RFX2: variants seen among roughly 807,000 people sequenced by gnomAD.
RFX2 encodes DNA-binding protein RFX2.
A neutral mutation model predicts 87.8 loss-of-function variants in RFX2; 20 were observed. That is an observed-to-expected ratio of 0.23 (90% CI 0.16 to 0.33). RFX2 has a LOEUF of 0.33. Among genes scored for constraint, RFX2 ranks in the 10% least tolerant of loss-of-function variants. The pLI is 1.00. For missense variants in RFX2, 767 were observed against 1,012.3 expected, an observed-to-expected ratio of 0.76 and a Z score of 3.29; for synonymous variants, 397 against 431.3, an observed-to-expected ratio of 0.92 and a Z score of 0.98.
At chr19:6,048,754 T>A (rs540499179) in intron 1 of RFX2, among the ~76,000 whole-genome samples, 1 of 152,318 alleles carries the variant, frequency 6.6e-6, no homozygotes, top group African/African-American at 2.4e-5. Flanking sequence ...AAAGTCAAAC[T>A]TACAATAAAT....
chr19:6,004,186 C>T lies in RFX2; in HGVS notation c.1500+15G>A, dbSNP rs375381782. On this transcript the variant is annotated intron_variant, in intron 13 of 17. Transcript: ENST00000303657. The surrounding 1 kb of genome is among the most constrained non-coding windows in gnomAD (Gnocchi z 4.8). ...CAGCCATCGTTGGGGAGCCCAGGCC[C>T]CACCCCGGACGCACCTTGGTCTGGA... 26 of 1,605,480 alleles carry T rather than the reference C, an allele frequency of 1.6e-5. No homozygotes were observed. Among genetic ancestry groups the T allele is most frequent in the Admixed American group, 5.0e-5 (3 of 59,986 alleles).
Position 5,999,603 on chromosome 19 carries a change from C to T in RFX2, c.1859+2212G>A, listed in dbSNP as rs1163842351. 1.3e-5 allele frequency among the ~76,000 whole-genome samples: 2 copies of T among 152,106 alleles called. No homozygotes were observed. The highest frequency in any genetic ancestry group is 2.9e-5 in the Non-Finnish European group (2 of 68,020). ...TGGCAGAGCCGCATAGTCTATTAGG[C>T]GTGTGGTTCCTCTCATTCATTCACT... On this transcript the variant is annotated intron_variant, in intron 15 of 17. Transcript: ENST00000303657. The surrounding 1 kb of genome is among the most constrained non-coding windows in gnomAD (Gnocchi z 4.1).
Position 6,061,365 on chromosome 19 carries a change from G to C in RFX2, c.-8-13861C>G, listed in dbSNP as rs2087427492. ...ATAGACAGTGTGTGTGCTAAATCAA[G>C]GGATTAACTACCAAGGTGGGGGTTC... On this transcript the variant is annotated intron_variant, in intron 1 of 17. Coordinates refer to ENST00000303657, the MANE Select transcript of RFX2 (RefSeq NM_000635.4). The surrounding 1 kb of genome is among the most constrained non-coding windows in gnomAD (Gnocchi z 5.2). Among the ~76,000 whole-genome samples the C allele has an allele frequency of 6.8e-6, 1 of 147,004 alleles. No homozygotes were observed. Among genetic ancestry groups the C allele is most frequent in the Non-Finnish European group, 1.5e-5 (1 of 67,394 alleles).
Position 6,023,049 on chromosome 19 carries a change from C to CT in RFX2, c.597+3113dup, listed in dbSNP as rs2086839712. ...CTTCTGCCCTCAAATGCTAAGCTCC[C>CT]TGGAGTGACTTTTCCTCCTTTTTTA... is the stretch of plus-strand genomic sequence containing the variant. On this transcript the variant is annotated intron_variant, in intron 6 of 17. Transcript: ENST00000303657. The surrounding 1 kb of genome is among the most constrained non-coding windows in gnomAD (Gnocchi z 4.9). 1 of 152,522 alleles carries CT rather than the reference C, an allele frequency of 6.6e-6. No homozygotes were observed. Among genetic ancestry groups the CT allele is most frequent in the Admixed American group, 6.5e-5 (1 of 15,292 alleles). The allele number at this position is 152,522 out of a possible 1,614,324, so 9.4% of individuals were successfully genotyped here.
At chr19:6,103,246 A>G (rs1220765737) in intron 1 of RFX2, among the ~76,000 whole-genome samples, 3 of 152,194 alleles carry the variant, frequency 2.0e-5, no homozygotes, top group Admixed American at 6.5e-5. Context: ...TGCTTTATGT[A>G]TCATCTACAG....
chr19:6,010,124 C>G lies in RFX2; in HGVS notation c.1015+12G>C, dbSNP rs200565789. 368 of 1,518,544 alleles carry G rather than the reference C, an allele frequency of 2.4e-4. 2 individuals are homozygous for G. The East Asian group carries it at 8.9e-3, about 37-fold the overall frequency. The allele number at this position is 1,518,544 out of a possible 1,614,324, so 94.1% of individuals were successfully genotyped here. A position where few individuals can be genotyped will look rare whatever the true frequency, so the allele number is the denominator to read the frequency against. ...TGGGAGCCCCGCCCCCGGGCCTGACCGGGCCTCTCACCTATGTACTGCTGG... is the reference window on the plus strand; with the variant it reads ...TGGGAGCCCCGCCCCCGGGCCTGACGGGGCCTCTCACCTATGTACTGCTGG... On this transcript the variant is annotated intron_variant, in intron 9 of 17. Coordinates refer to ENST00000303657, the MANE Select transcript of RFX2 (RefSeq NM_000635.4). This position sits in a 1 kb window ranked among gnomAD's most constrained non-coding sequence, Gnocchi z 5.0.
At chr19:6,079,579 T>C (rs958370457) in intron 1 of RFX2, among the ~76,000 whole-genome samples, 3 of 152,122 alleles carry the variant, frequency 2.0e-5, no homozygotes, top group African/African-American at 7.2e-5. Flanking sequence ...CTGTTTGAGA[T>C]GGAGGTTATA....
At chr19:6,034,230 T>A (rs2086991308) in intron 5 of RFX2, among the ~76,000 whole-genome samples, 1 of 147,150 alleles carries the variant, frequency 6.8e-6, no homozygotes, top group South Asian at 2.2e-4. Context: ...ACTGCTAATT[T>A]TTTTTTTTTT....
At position 6,006,914 on chromosome 19, in the gene RFX2, C is replaced by T. The variant is rs943867579; in HGVS notation, c.1402+98G>A. 7.1e-6 allele frequency: 10 copies of T among 1,410,684 alleles called. No homozygotes were observed. The African/African-American group carries it at 9.9e-5, about 14-fold the overall frequency. 87.4% of individuals were successfully genotyped at this position (1,410,684 alleles called of 1,614,324 possible). A position where few individuals can be genotyped will look rare whatever the true frequency, so the allele number is the denominator to read the frequency against. On this transcript the variant is annotated intron_variant, in intron 12 of 17. Coordinates refer to ENST00000303657, the MANE Select transcript of RFX2 (RefSeq NM_000635.4). ...GCCACTTTTGGGTTTTCTGTGAAAG[C>T]GATGGTCTGAGGTGGCTGAAGACGT...
At chr19:6,005,611 T>G (rs1201430124) in intron 12 of RFX2, among the ~76,000 whole-genome samples, 1 of 152,142 alleles carries the variant, frequency 6.6e-6, no homozygotes, top group East Asian at 1.9e-4. Flanking sequence ...TTCCTCACTG[T>G]GCCTGTCACT....
At chr19:6,057,913 T>C (rs2087368279) in intron 1 of RFX2, among the ~76,000 whole-genome samples, 1 of 152,132 alleles carries the variant, frequency 6.6e-6, no homozygotes, top group Non-Finnish European at 1.5e-5. Flanking sequence ...GATGCGTGTT[T>C]TAAGATTCTG....
At chr19:6,005,037 T>G (rs1389258057) in intron 12 of RFX2, among the ~76,000 whole-genome samples, 3 of 152,072 alleles carry the variant, frequency 2.0e-5, no homozygotes, top group Non-Finnish European at 2.9e-5. Context: ...GAGAATCACT[T>G]GAACCCAGGA....
At chr19:6,066,311 A>T (rs1295802912) in intron 1 of RFX2, among the ~76,000 whole-genome samples, 3 of 152,142 alleles carry the variant, frequency 2.0e-5, no homozygotes, top group Non-Finnish European at 4.4e-5. Context: ...GCTGGGTCCA[A>T]TTTCCACCCT....
intron 1 of RFX2, among the ~76,000 whole-genome samples, chr19:6,055,720 T>C (rs1392008174): frequency 6.6e-6 from 1 of 152,110 alleles, no homozygotes; most frequent in Non-Finnish European, 1.5e-5. Flanking sequence ...AAAGTAAAAA[T>C]AACCCAAATG....
rs34910462 is a variant in RFX2 at position 6,026,277 on chromosome 19, GAAAA to G, written c.523-44_523-41del. The G allele has an allele frequency of 2.5e-6, 3 of 1,194,522 alleles. No homozygotes were observed. The highest frequency in any genetic ancestry group is 2.3e-6 in the Non-Finnish European group (2 of 858,136). 74.0% of individuals were successfully genotyped at this position (1,194,522 alleles called of 1,614,324 possible). A position where few individuals can be genotyped will look rare whatever the true frequency, so the allele number is the denominator to read the frequency against. ...TGCAGAAACAAAACAAAACAAAATG[GAAAA>G]AAAAAAAAAGGAAATCAGATGGTTA... is the stretch of plus-strand genomic sequence containing the variant. On this transcript the variant is annotated intron_variant, in intron 5 of 17. Transcript: ENST00000303657. This position sits in a 1 kb window ranked among gnomAD's most constrained non-coding sequence, Gnocchi z 4.5.
intron 5 of RFX2, among the ~76,000 whole-genome samples, chr19:6,031,791 G>A (rs2086956894): frequency 6.6e-6 from 1 of 151,778 alleles, no homozygotes; most frequent in African/African-American, 2.4e-5. Flanking sequence ...GAAAAATACA[G>A]TGACTTCTAG....
chr19:6,045,512 G>A lies in RFX2; in HGVS notation c.91-1230C>T, dbSNP rs151133905. ...AGGCCACAACTGCTGGCAGGGCGACGGCGTCTGATCCTCACCTCAGATGGG... is the reference window on the plus strand; with the variant it reads ...AGGCCACAACTGCTGGCAGGGCGACAGCGTCTGATCCTCACCTCAGATGGG... On this transcript the variant is annotated intron_variant, in intron 2 of 17. Coordinates refer to ENST00000303657, the MANE Select transcript of RFX2 (RefSeq NM_000635.4). This position sits in a 1 kb window ranked among gnomAD's most constrained non-coding sequence, Gnocchi z 5.2. 6.6e-6 allele frequency among the ~76,000 whole-genome samples: 1 copy of A among 152,252 alleles called. No homozygotes were observed. Among genetic ancestry groups the A allele is most frequent in the Non-Finnish European group, 1.5e-5 (1 of 68,008 alleles).
At chr19:6,014,073 A>T (rs1385789751) in intron 7 of RFX2, among the ~76,000 whole-genome samples, 1 of 152,114 alleles carries the variant, frequency 6.6e-6, no homozygotes, top group African/African-American at 2.4e-5. Context: ...GCTTTAAACA[A>T]TTTAGTTCAG....
At position 6,063,863 on chromosome 19, in the gene RFX2, C is replaced by T. The variant is rs945273924; in HGVS notation, c.-8-16359G>A. ...GACAGCCACAAATGTCTCCAGACAT[C>T]GCCCAGTGTCCCCTGGGGGCAGGAC... On this transcript the variant is annotated intron_variant, in intron 1 of 17. Coordinates refer to ENST00000303657, the MANE Select transcript of RFX2 (RefSeq NM_000635.4). This position sits in a 1 kb window ranked among gnomAD's most constrained non-coding sequence, Gnocchi z 4.0. 1.4e-4 allele frequency among the ~76,000 whole-genome samples: 21 copies of T among 152,338 alleles called. No homozygotes were observed. The highest frequency in any genetic ancestry group is 1.8e-4 in the Non-Finnish European group (12 of 68,016).
Sources: gnomAD v4.1 joint callset for allele counts (sites outside exome capture counted in the v4.1 genomes callset) on GRCh38, gnomAD v4.1.1 for gene constraint, Gnocchi (gnomAD v3.1) non-coding constraint, MANE v1.5 for transcripts, NCBI Gene and HGNC (gene_info 2026-07-23, HGNC 2026-07-21) for gene names.